Variants in MTHFD2 observed in about 807,000 individuals in gnomAD.
MTHFD2 encodes the protein bifunctional methylenetetrahydrofolate dehydrogenase/cyclohydrolase, mitochondrial.
A neutral mutation model predicts 36.8 loss-of-function variants in MTHFD2; 26 were observed. The ratio of observed to expected loss-of-function variants is 0.71; its 90% confidence interval spans 0.52 to 0.98. The LOEUF is 0.98. MTHFD2 is among the 50% of genes least tolerant of loss of function. The probability of loss-of-function intolerance (pLI) is 0.00; values close to 1 mark genes in which losing one functional copy is unlikely to be tolerated. For synonymous variants in MTHFD2, 164 were observed against 155.2 expected, an observed-to-expected ratio of 1.06 and a Z score of -0.42; for missense variants, 373 against 434.0, an observed-to-expected ratio of 0.86 and a Z score of 1.25.
At chr2:74,199,928 C>T (rs1270297147) in intron 1 of MTHFD2, among the ~76,000 whole-genome samples, 1 of 152,074 alleles carries the variant, frequency 6.6e-6, no homozygotes, top group Non-Finnish European at 1.5e-5. Context: ...TTTTTTTCAT[C>T]TAACGTTCAC....
chr2:74,217,055 G>A lies in MTHFD2; in HGVS notation c.*2813G>A, dbSNP rs1461936634. On this transcript the variant is annotated 3_prime_UTR_variant, in exon 8 of 8. Coordinates refer to ENST00000394053, the MANE Select transcript of MTHFD2 (RefSeq NM_006636.4). The stretch of plus-strand genomic sequence containing the variant: ...AAATGTAATCAAACACTTATTGAGA[G>A]CTTTCTATGGACCAGGCACTACACT... 1.3e-5 allele frequency: 2 copies of A among 152,206 alleles called. No homozygotes were observed. The highest frequency in any genetic ancestry group is 2.9e-5 in the Non-Finnish European group (2 of 68,040). The allele number at this position is 152,206 out of a possible 1,614,324, so 9.4% of individuals were successfully genotyped here.
At chr2:74,213,435 C>A (rs1299268558) in intron 7 of MTHFD2, among the ~76,000 whole-genome samples, 2 of 151,840 alleles carry the variant, frequency 1.3e-5, no homozygotes, top group African/African-American at 4.8e-5. Flanking sequence ...TGTCACCTCA[C>A]TTGGCTAATT....
In MTHFD2 at chr2:74,211,006, C is replaced by T. The variant is rs562164621; in HGVS notation, c.671-193C>T. On this transcript the variant is annotated intron_variant, in intron 5 of 7. Transcript: ENST00000394053. ...TTCACCATGTTGGCCAGGTTGGCCT[C>T]GAACTCCTGACCTGGTGATCTGCCC... Among the ~76,000 whole-genome samples the T allele has an allele frequency of 2.4e-4, 37 of 152,234 alleles. 1 individual carries two copies. Among genetic ancestry groups the T allele is most frequent in the African/African-American group, 8.2e-4 (34 of 41,550 alleles).
chr2:74,209,038 T>C (rs1225514776), intron 4 of MTHFD2, among the ~76,000 whole-genome samples: 1 of 151,578 alleles, frequency 6.6e-6, no homozygotes, highest in Non-Finnish European at 1.5e-5. Flanking sequence ...CATGCCCAGC[T>C]AATTTTTTTA....
Position 74,205,793 on chromosome 2 carries a change from G to A in MTHFD2, c.190G>A (p.Gly64Ser), listed in dbSNP as rs201400535. ...GGAGGTAGAAGAGTGGGTGGCCTCA[G>A]GCAACAAACGGCCACACCTGAGTGT... ...RQEVEEWVASGNKRPHLSVIL... is the reference protein window; with the variant it reads ...RQEVEEWVASSNKRPHLSVIL... Residue 64 changes from glycine (G) to serine (S), a missense_variant, in exon 2 of 8, where the codon GGC becomes AGC. Gly to Ser is a moderately conservative substitution (Grantham distance 56, BLOSUM62 0). Transcript: ENST00000394053. 1.9e-6 allele frequency: 3 copies of A among 1,613,830 alleles called. No homozygotes were observed. The highest frequency in any genetic ancestry group is 1.3e-5 in the African/African-American group (1 of 74,956).
chr2:74,212,132 A>G (rs1421845193), intron 7 of MTHFD2, among the ~76,000 whole-genome samples: 2 of 146,504 alleles, frequency 1.4e-5, no homozygotes, highest in Non-Finnish European at 3.0e-5. Flanking sequence ...GCGCCCAGTC[A>G]GTATGCTTTT....
chr2:74,215,162 G>GT lies in MTHFD2; in HGVS notation c.*921dup, dbSNP rs1694405913. The GT allele has an allele frequency of 6.6e-6, 1 of 152,614 alleles. No homozygotes were observed. The highest frequency in any genetic ancestry group is 1.9e-4 in the East Asian group (1 of 5,202). The allele number at this position is 152,614 out of a possible 1,614,324, so 9.5% of individuals were successfully genotyped here. On this transcript the variant is annotated 3_prime_UTR_variant, in exon 8 of 8. Coordinates refer to ENST00000394053, the MANE Select transcript of MTHFD2 (RefSeq NM_006636.4). The stretch of plus-strand genomic sequence containing the variant: ...CAGCAGCTGCCTGCTTTTCTGTGAT[G>GT]TATGTATCCTGTTGACTTTTCCAGA...
At chr2:74,198,981 GCT>G (rs1693974263) in intron 1 of MTHFD2, among the ~76,000 whole-genome samples, 1 of 152,188 alleles carries the variant, frequency 6.6e-6, no homozygotes, top group Admixed American at 6.5e-5. Flanking sequence ...GGAGGGAGCC[GCT>G]CTCCTGCGAC....
rs781743140 is a variant in MTHFD2 at position 74,211,885 on chromosome 2, T to C, written c.889+19T>C. The stretch of plus-strand genomic sequence containing the variant: ...TTTGAAGGTAAATGGTGAAATTTTA[T>C]TTTTAAAAATGAAATCAATAAATAC... On this transcript the variant is annotated intron_variant, in intron 7 of 7. Coordinates refer to ENST00000394053, the MANE Select transcript of MTHFD2 (RefSeq NM_006636.4). 5.6e-6 allele frequency: 9 copies of C among 1,601,822 alleles called. No homozygotes were observed. The Admixed American group carries it at 6.7e-5, about 12-fold the overall frequency.
chr2:74,211,941 TTAC>T, intron 7 of MTHFD2, 75 bp downstream of exon 7: 4 of 1,022,402 alleles, frequency 3.9e-6, no homozygotes, highest in South Asian at 1.9e-5. Context: ...GATAGATTAT[TTAC>T]TTTTTTTTTT....
chr2:74,203,845 AG>A (rs57998408), intron 1 of MTHFD2, among the ~76,000 whole-genome samples: 1 of 32,382 alleles, frequency 3.1e-5, no homozygotes, highest in Non-Finnish European at 5.6e-5. Context: ...ATGCTCATCT[AG>A]TTTAGTTTAG....
intron 7 of MTHFD2, among the ~76,000 whole-genome samples, chr2:74,212,423 C>G (rs1028737444): frequency 2.0e-5 from 3 of 151,928 alleles, no homozygotes; most frequent in African/African-American, 7.3e-5. Context: ...TGGGCCACCA[C>G]GCCCAACTAA....
At chr2:74,207,003 C>T (rs1246007679) in intron 2 of MTHFD2, among the ~76,000 whole-genome samples, 1 of 152,216 alleles carries the variant, frequency 6.6e-6, no homozygotes, top group East Asian at 1.9e-4. Context: ...GCTGGGATTA[C>T]AGGCGTGAGC....
chr2:74,201,883 A>G (rs1328568710), intron 1 of MTHFD2, among the ~76,000 whole-genome samples: 1 of 152,118 alleles, frequency 6.6e-6, no homozygotes, highest in Non-Finnish European at 1.5e-5. Context: ...GCTGACAGTT[A>G]TACTATGAAA....
At chr2:74,205,014 C>G (rs540553565) in intron 1 of MTHFD2, among the ~76,000 whole-genome samples, 1 of 152,172 alleles carries the variant, frequency 6.6e-6, no homozygotes, top group Non-Finnish European at 1.5e-5. Context: ...TTAGTAGAGA[C>G]AGGGTTTCAT....
Position 74,205,907 on chromosome 2 carries a change from A to T in MTHFD2, c.286+18A>T. On this transcript the variant is annotated intron_variant, in intron 2 of 7. Coordinates refer to ENST00000394053, the MANE Select transcript of MTHFD2 (RefSeq NM_006636.4). ...AGTTGTGGGTATGTGTCCTTCTGAG[A>T]CCTCGACTGCGGTTCAGTTGAGGTT... 6.2e-7 allele frequency: 1 copy of T among 1,604,450 alleles called. No individual in the cohort carries two copies. Among genetic ancestry groups the T allele is most frequent in the South Asian group, 1.1e-5 (1 of 90,798 alleles).
intron 5 of MTHFD2, 41 bp from the exon 6 acceptor site, chr2:74,211,158 C>T (rs774773218): frequency 4.5e-6 from 6 of 1,321,026 alleles, no homozygotes; most frequent in Middle Eastern, 2.6e-4. Context: ...CCAATCCCAG[C>T]TTTGTGTCAG....
At chr2:74,213,270 CTTTTTTTT>C (rs10638050) in intron 7 of MTHFD2, among the ~76,000 whole-genome samples, 34 of 76,014 alleles carry the variant, frequency 4.5e-4, no homozygotes, top group Middle Eastern at 0.019. Flanking sequence ...TTTTTCTTTC[CTTTTTTTT>C]TTTTTTTTTT....
intron 7 of MTHFD2, among the ~76,000 whole-genome samples, chr2:74,212,261 C>CT (rs1448398350): frequency 3.1e-4 from 13 of 42,266 alleles, no homozygotes; most frequent in African/African-American, 1.4e-3. Flanking sequence ...TCGTTTCTTT[C>CT]TCTTTTTTTT....
Sources: gnomAD v4.1 joint callset for allele counts (sites outside exome capture counted in the v4.1 genomes callset) on GRCh38, gnomAD v4.1.1 for gene constraint, MANE v1.5 for transcripts, NCBI Gene and HGNC (gene_info 2026-07-23, HGNC 2026-07-21) for gene names.